ALPL: variants seen among roughly 807,000 people sequenced by gnomAD.
ALPL encodes alkaline phosphatase, biomineralization associated.
ALPL carries 42 observed loss-of-function variants against 51.3 expected under a neutral mutation model. The ratio of observed to expected loss-of-function variants is 0.82; its 90% CI spans 0.64 to 1.06. ALPL has a LOEUF of 1.06. Ranked by LOEUF, ALPL falls within the 50% of genes least tolerant of loss-of-function variation. The pLI, the probability that ALPL is intolerant of heterozygous loss-of-function variation, is 0.00. For missense variants in ALPL, 589 were observed against 709.4 expected (o/e 0.83, Z 1.93); for synonymous variants, 279 against 296.4 (o/e 0.94, Z 0.60).
rs1330606526 is a variant in ALPL, at chr1:21,509,512, G to C, written c.-110G>C. ...CTGGACGGACCCTCGCCAGTGCTCT[G>C]CGCAGGTAAGGATTCGACGCTGCCC... On this transcript the variant is annotated 5_prime_UTR_variant, in exon 1 of 12. Coordinates refer to ENST00000374840, the MANE Select transcript of ALPL (RefSeq NM_000478.6). The surrounding 1 kb of genome is among the most constrained non-coding windows in gnomAD (Gnocchi z 6.0). 6.6e-6 allele frequency: 1 copy of C among 152,162 alleles called. No homozygotes were observed. Among genetic ancestry groups the C allele is most frequent in the Non-Finnish European group, 1.5e-5 (1 of 68,040 alleles). The allele number at this position is 152,162 out of a possible 1,614,324, so 9.4% of individuals were successfully genotyped here.
At chr1:21,533,931 A>T (rs1644063549) in intron 1 of ALPL, among the ~76,000 whole-genome samples, 1 of 99,312 alleles carries the variant, frequency 1.0e-5, no homozygotes, top group Admixed American at 1.3e-4. Context: ...TCTCAAAAAA[A>T]AAAAAAGAAG....
chr1:21,537,575 C>T (rs1238600505), intron 1 of ALPL, among the ~76,000 whole-genome samples: 4 of 152,218 alleles, frequency 2.6e-5, no homozygotes, highest in Non-Finnish European at 2.9e-5. Flanking sequence ...CCCCCCACCG[C>T]CATCCCCCTA....
At chr1:21,528,010 T>G (rs12027423) in intron 1 of ALPL, among the ~76,000 whole-genome samples, 23 of 114,710 alleles carry the variant, frequency 2.0e-4, no homozygotes, top group Admixed American at 8.1e-4. Flanking sequence ...TGTTTTTTTT[T>G]TTTTTGTTTT....
At chr1:21,524,382 G>T (rs2148072788) in intron 1 of ALPL, among the ~76,000 whole-genome samples, 1 of 152,302 alleles carries the variant, frequency 6.6e-6, no homozygotes, top group South Asian at 2.1e-4. Flanking sequence ...CTACTTGGGA[G>T]ACTGAGGCAG....
chr1:21,532,183 GA>G (rs368740634), intron 1 of ALPL, among the ~76,000 whole-genome samples: 95 of 152,026 alleles, frequency 6.2e-4, no homozygotes, highest in African/African-American at 2.2e-3. Flanking sequence ...AAAAGACCAA[GA>G]TTTTTTTTTT....
At chr1:21,530,413 C>G (rs1644012298) in intron 1 of ALPL, among the ~76,000 whole-genome samples, 2 of 152,168 alleles carry the variant, frequency 1.3e-5, no homozygotes, top group Admixed American at 1.3e-4. Context: ...GGGATTTCAG[C>G]TATTCTGTTT....
intron 6 of ALPL, among the ~76,000 whole-genome samples, chr1:21,565,429 T>C (rs1644549266): frequency 6.6e-6 from 1 of 152,142 alleles, no homozygotes; most frequent in Non-Finnish European, 1.5e-5. Context: ...ACTTGCTTGC[T>C]CCCAGGGCCG....
At chr1:21,569,034 T>C (rs991058392) in intron 7 of ALPL, among the ~76,000 whole-genome samples, 1 of 152,080 alleles carries the variant, frequency 6.6e-6, no homozygotes, top group Non-Finnish European at 1.5e-5. Context: ...GGGTTGGGTT[T>C]CTGCAAGTTC....
Position 21,576,441 on chromosome 1 carries a change from C to T in ALPL, c.1190-81C>T. On this transcript the variant is annotated intron_variant, in intron 10 of 11. Transcript: ENST00000374840. ...AAGAAGATCCCAGGGGTTACCAAGCCACCAAGGAGCCTAATCTGGGGGCTG... is the reference window on the plus strand; with the variant it reads ...AAGAAGATCCCAGGGGTTACCAAGCTACCAAGGAGCCTAATCTGGGGGCTG... 1.9e-6 allele frequency: 3 copies of T among 1,564,706 alleles called. No individual in the cohort carries two copies. In the Admixed American group the frequency reaches 5.4e-5, roughly 28 times the overall value.
intron 2 of ALPL, among the ~76,000 whole-genome samples, chr1:21,554,946 C>T (rs1297544765): frequency 3.0e-5 from 4 of 134,794 alleles, no homozygotes; most frequent in African/African-American, 5.6e-5. Context: ...TTTTTCTTTC[C>T]TTTCTTTCCT....
At chr1:21,573,619 G>T (rs74063110) in intron 8 of ALPL, 46 bp from the exon 9 acceptor site, 1 of 1,607,918 alleles carries the variant, frequency 6.2e-7, no homozygotes, top group South Asian at 1.1e-5. Flanking sequence ...CCTCCTAGCC[G>T]GGTCACAGCC....
Position 21,557,833 on chromosome 1 carries a change from G to A in ALPL, c.62-2793G>A, listed in dbSNP as rs115338920. Among the ~76,000 whole-genome samples, 606 of 152,068 alleles carry A rather than the reference G, an allele frequency of 4.0e-3. 6 individuals carry two copies. Among genetic ancestry groups the A allele is most frequent in the African/African-American group, 0.014 (587 of 41,464 alleles). On this transcript the variant is annotated intron_variant, in intron 2 of 11. Transcript: ENST00000374840. ...GACATATATTTATACCCATGTAACC[G>A]CCACCCAGATCAAGACAGAACATTT...
At chr1:21,571,174 T>C (rs1203539128) in intron 8 of ALPL, among the ~76,000 whole-genome samples, 3 of 152,236 alleles carry the variant, frequency 2.0e-5, no homozygotes, top group Non-Finnish European at 2.9e-5. Context: ...AATCCAGCTC[T>C]ACCACCTCTA....
At chr1:21,525,260 C>A (rs1304088398) in intron 1 of ALPL, among the ~76,000 whole-genome samples, 2 of 152,244 alleles carry the variant, frequency 1.3e-5, no homozygotes, top group Non-Finnish European at 2.9e-5. Context: ...GGGCAAGGCC[C>A]CCAGTTGGGG....
At chr1:21,516,747 A>G (rs1211332604) in intron 1 of ALPL, among the ~76,000 whole-genome samples, 1 of 152,254 alleles carries the variant, frequency 6.6e-6, no homozygotes, top group Non-Finnish European at 1.5e-5. Flanking sequence ...CTATCAAGAT[A>G]TCAGAGATAA....
Position 21,547,192 on chromosome 1 carries a change from G to A in ALPL, c.-104-6786G>A, listed in dbSNP as rs60719016. ...GAACAAAGTTGAATGAACAAGCATCGGGCCCTCCCCCGGGGCTCAAATGGG... is the reference window on the plus strand; with the variant it reads ...GAACAAAGTTGAATGAACAAGCATCAGGCCCTCCCCCGGGGCTCAAATGGG... On this transcript the variant is annotated intron_variant, in intron 1 of 11. Transcript: ENST00000374840. Among the ~76,000 whole-genome samples, 1,384 of 152,328 alleles carry A rather than the reference G, an allele frequency of 9.1e-3. 19 individuals are homozygous for A. The highest frequency in any genetic ancestry group is 0.031 in the African/African-American group (1,279 of 41,570).
chr1:21,540,837 C>A (rs1416799632), intron 1 of ALPL, among the ~76,000 whole-genome samples: 1 of 152,124 alleles, frequency 6.6e-6, no homozygotes, highest in Non-Finnish European at 1.5e-5. Context: ...TAGACTTTCT[C>A]TCTCTCCCCT....
Position 21,530,967 on chromosome 1 carries a change from T to TG in ALPL, c.-105+21450_-105+21451insG, listed in dbSNP as rs1245358340. ...AGATCATTTTTGATTTTTTTTTTTT[T>TG]TTTTTTTTGGAGACAGAGTCTTGCT... On this transcript the variant is annotated intron_variant, in intron 1 of 11. Transcript: ENST00000374840. Among the ~76,000 whole-genome samples the TG allele has an allele frequency of 2.0e-5, 3 of 147,426 alleles. 1 individual carries two copies. Among genetic ancestry groups the TG allele is most frequent in the African/African-American group, 7.6e-5 (3 of 39,696 alleles).
At chr1:21,520,600 T>C (rs1643873668) in intron 1 of ALPL, among the ~76,000 whole-genome samples, 1 of 151,588 alleles carries the variant, frequency 6.6e-6, no homozygotes, top group Admixed American at 6.6e-5. Flanking sequence ...TAGCTGGGAC[T>C]ACAGGGGTGT....
Sources: allele counts gnomAD v4.1 joint callset (sites outside exome capture counted in the v4.1 genomes callset), GRCh38; gene constraint gnomAD v4.1.1; non-coding constraint Gnocchi (gnomAD v3.1); transcripts MANE v1.5; gene names NCBI Gene and HGNC (gene_info 2026-07-23, HGNC 2026-07-21).